The following MROH7 variants were observed in gnomAD, a reference collection of about 807,000 sequenced individuals.
MROH7 encodes maestro heat like repeat family member 7.
Under a neutral mutation model 129.2 loss-of-function variants are expected in MROH7, and 113 were observed. The ratio of observed to expected loss-of-function variants is 0.87; its 90% confidence interval spans 0.75 to 1.02. The LOEUF (loss-of-function observed/expected upper bound fraction) is 1.02. MROH7 is among the 50% of genes least tolerant of loss of function. The pLI, the probability that MROH7 is intolerant of heterozygous loss-of-function variation, is 0.00. For missense variants in MROH7, 1,601 were observed against 1,671.3 expected (o/e 0.96, Z 0.73); for synonymous variants, 655 against 667.9 (o/e 0.98, Z 0.30).
Position 54,695,501 on chromosome 1 carries a change from GGGC to G in MROH7, c.2964+12_2964+14del. ...GCCTTCTTCGTGGAGGTACCAACGGGGGCAGCGGGTACACAGCGGGAGCTCCTC... is the reference window on the plus strand; with the variant it reads ...GCCTTCTTCGTGGAGGTACCAACGGGAGCGGGTACACAGCGGGAGCTCCTC... On this transcript the variant is annotated intron_variant, in intron 17 of 23. Transcript: ENST00000421030. 6.3e-7 allele frequency: 1 copy of G among 1,592,296 alleles called. No homozygotes were observed.
chr1:54,687,374 T>C (rs6588527), intron 15 of MROH7, among the ~76,000 whole-genome samples: 31,382 of 152,108 alleles, frequency 0.21, 3,638 homozygotes, highest in East Asian at 0.29. Context: ...TGCACCCGGC[T>C]GAGCTGTCTC....
At chr1:54,664,980 T>TGCACTC (rs1644788387) in intron 3 of MROH7, among the ~76,000 whole-genome samples, 187 bp from the exon 4 acceptor site, 2 of 152,010 alleles carry the variant, frequency 1.3e-5, no homozygotes, top group Non-Finnish European at 2.9e-5. Context: ...CCATTGCACT[T>TGCACTC]GCACTCTAGC....
At chr1:54,660,535 C>T (rs947450337) in intron 3 of MROH7, among the ~76,000 whole-genome samples, 28 of 152,164 alleles carry the variant, frequency 1.8e-4, no homozygotes, top group Non-Finnish European at 1.2e-4. Context: ...GTAGTCAGGC[C>T]GGGTGCAGTG....
intron 10 of MROH7, among the ~76,000 whole-genome samples, chr1:54,674,734 G>T (rs976282673): frequency 3.3e-5 from 5 of 152,180 alleles, no homozygotes; most frequent in Admixed American, 6.5e-5. Flanking sequence ...TATCCAGAAG[G>T]CATTGTACCT....
intron 4 of MROH7, among the ~76,000 whole-genome samples, chr1:54,666,338 C>T (rs2101096375): frequency 6.6e-6 from 1 of 151,080 alleles, no homozygotes; most frequent in South Asian, 2.1e-4. Context: ...AATGAGGGCT[C>T]AGAAACTTAT....
At chr1:54,708,748 G>A (rs1645575618) in intron 22 of MROH7, among the ~76,000 whole-genome samples, 1 of 152,170 alleles carries the variant, frequency 6.6e-6, no homozygotes, top group African/African-American at 2.4e-5. Flanking sequence ...CCTGGGTACT[G>A]GGCTAGCCTC....
chr1:54,699,179 C>CT lies in MROH7; in HGVS notation c.2965-1139dup, dbSNP rs1388491127. ...CTTTCTTTTCTTTCTTTCTTTCTTTCTTTCTTTCTCTTTCTTTCTTTCTTT... is the reference window on the plus strand; with the variant it reads ...CTTTCTTTTCTTTCTTTCTTTCTTTCTTTTCTTTCTCTTTCTTTCTTTCTTT... On this transcript the variant is annotated intron_variant, in intron 17 of 23. Transcript: ENST00000421030. 2.5e-4 allele frequency: 32 copies of CT among 128,246 alleles called. 1 individual carries two copies. The East Asian group carries it at 4.8e-3, about 19-fold the overall frequency. The allele number at this position is 128,246 out of a possible 1,614,324, so 7.9% of individuals were successfully genotyped here.
chr1:54,690,605 G>A (rs1336673863), intron 15 of MROH7, among the ~76,000 whole-genome samples: 4 of 151,902 alleles, frequency 2.6e-5, no homozygotes, highest in East Asian at 1.9e-4. Context: ...CACCACGCCC[G>A]GCTAATTTTT....
chr1:54,667,132 G>C (rs895896759), intron 4 of MROH7, among the ~76,000 whole-genome samples: 1 of 152,168 alleles, frequency 6.6e-6, no homozygotes, highest in South Asian at 2.1e-4. Flanking sequence ...ATTCTAGTTT[G>C]GGGAGACACA....
At position 54,665,156 on chromosome 1, in the gene MROH7, G is replaced by A. The variant is rs1644791780; in HGVS notation, c.1232-11G>A. On this transcript the variant is annotated splice_polypyrimidine_tract_variant and intron_variant, in intron 3 of 23. Coordinates refer to ENST00000421030, the MANE Select transcript of MROH7 (RefSeq NM_001039464.4). ...CTTTATCCACCTTCTCATTGAAATC[G>A]TGCCCTGCAGGAGCCTTTGATGAAG... is the stretch of plus-strand genomic sequence containing the variant. 17 of 1,611,266 alleles carry A rather than the reference G, an allele frequency of 1.1e-5. No individual in the cohort carries two copies. The highest frequency in any genetic ancestry group is 1.7e-4 in the Middle Eastern group (1 of 6,054).
At chr1:54,645,875 A>G (rs1371437272) in intron 1 of MROH7, among the ~76,000 whole-genome samples, 1 of 150,696 alleles carries the variant, frequency 6.6e-6, no homozygotes, top group Non-Finnish European at 1.5e-5. Flanking sequence ...CTGGTCTTGA[A>G]CTCCTGAGCT....
At chr1:54,705,117 C>T (rs1183505866) in intron 21 of MROH7, among the ~76,000 whole-genome samples, 1 of 152,160 alleles carries the variant, frequency 6.6e-6, no homozygotes, top group Non-Finnish European at 1.5e-5. Flanking sequence ...ATGTTTTAAA[C>T]ACTGTGCTTG....
At chr1:54,659,442 C>T (rs1340766034) in intron 3 of MROH7, among the ~76,000 whole-genome samples, 1 of 141,500 alleles carries the variant, frequency 7.1e-6, no homozygotes, top group Non-Finnish European at 1.5e-5. Context: ...GCCACCACTT[C>T]TGGCTAATTT....
At chr1:54,650,727 T>C (rs1392726058) in intron 1 of MROH7, among the ~76,000 whole-genome samples, 1 of 118,390 alleles carries the variant, frequency 8.4e-6, no homozygotes, top group African/African-American at 4.6e-5. Context: ...GCCATCCCGA[T>C]TTTTTTTTTT....
chr1:54,706,288 GC>G, intron 21 of MROH7, 146 bp from the exon 22 acceptor site: 1 of 644,258 alleles, frequency 1.6e-6, no homozygotes, highest in Non-Finnish European at 2.8e-6. Flanking sequence ...GAGGAGATAA[GC>G]CCTGGCCTGT....
intron 8 of MROH7, 40 bp downstream of exon 8, chr1:54,673,226 G>A (rs773973603): frequency 6.0e-6 from 9 of 1,499,864 alleles, no homozygotes; most frequent in South Asian, 1.2e-5. Flanking sequence ...GGGGAGGAAG[G>A]GTGGAGGGAA....
chr1:54,686,191 A>G, intron 14 of MROH7, 67 bp from the exon 15 acceptor site: 1 of 1,430,706 alleles, frequency 7.0e-7, no homozygotes, highest in South Asian at 1.3e-5. Context: ...GAGGCAGTCC[A>G]GGCCCCAGCC....
chr1:54,662,399 GGT>G (rs1644746332), intron 3 of MROH7, among the ~76,000 whole-genome samples: 1 of 151,994 alleles, frequency 6.6e-6, no homozygotes, highest in South Asian at 2.1e-4. Context: ...AGCCGGGCAT[GGT>G]GGCACACACC....
intron 8 of MROH7, 72 bp from the exon 9 acceptor site, chr1:54,673,629 G>A: frequency 8.8e-7 from 1 of 1,142,454 alleles, no homozygotes; most frequent in Non-Finnish European, 1.3e-6. Context: ...ATGGGTGAAG[G>A]CTGGCCTGTC....
Sources: allele counts gnomAD v4.1 joint callset (sites outside exome capture counted in the v4.1 genomes callset), GRCh38; gene constraint gnomAD v4.1.1; transcripts MANE v1.5; gene names NCBI Gene and HGNC (gene_info 2026-07-23, HGNC 2026-07-21).